SMOC1: variants seen among roughly 807,000 people sequenced by gnomAD.
SMOC1 encodes SPARC-related modular calcium-binding protein 1.
In SMOC1, 22 loss-of-function variants were observed where a neutral mutation model predicts 56.3. That is an observed-to-expected ratio of 0.39 (90% CI 0.28 to 0.56). The LOEUF (loss-of-function observed/expected upper bound fraction) is 0.56, where lower values mean the gene tolerates loss of function less well. SMOC1 is among the 20% of genes least tolerant of loss of function. The pLI is 0.61. For synonymous variants in SMOC1, 193 were observed against 215.0 expected (o/e 0.90, Z 0.89); for missense variants, 509 against 565.4 (o/e 0.90, Z 1.01).
intron 1 of SMOC1, among the ~76,000 whole-genome samples, chr14:69,927,385 AAGATGGTAGGAGG>A (rs1209674113): frequency 6.6e-6 from 1 of 152,184 alleles, no homozygotes; most frequent in African/African-American, 2.4e-5. Context: ...AGGGCTAAAT[AAGATGGTAGGAGG>A]AGCCGGGCGT....
intron 5 of SMOC1, among the ~76,000 whole-genome samples, chr14:69,987,781 G>A (rs1884419193): frequency 6.6e-6 from 1 of 152,300 alleles, no homozygotes; most frequent in African/African-American, 2.4e-5. Context: ...GGTGTCATCG[G>A]GGGTCGAAGT....
At chr14:70,006,328 A>G (rs1254863701) in intron 7 of SMOC1, among the ~76,000 whole-genome samples, 1 of 152,244 alleles carries the variant, frequency 6.6e-6, no homozygotes, top group African/African-American at 2.4e-5. Context: ...AGTCTGGCAC[A>G]TGGTAAATAC....
intron 4 of SMOC1, among the ~76,000 whole-genome samples, chr14:69,977,272 G>A (rs1293463472): frequency 2.0e-5 from 3 of 152,234 alleles, no homozygotes; most frequent in Non-Finnish European, 4.4e-5. Context: ...ACAGGGTCAG[G>A]ACTGGAGGAG....
chr14:69,982,348 G>C (rs760685513), intron 5 of SMOC1, among the ~76,000 whole-genome samples: 2 of 152,248 alleles, frequency 1.3e-5, no homozygotes, highest in Non-Finnish European at 2.9e-5. Flanking sequence ...CTGTTCCATA[G>C]TATGTGCTCC....
intron 3 of SMOC1, among the ~76,000 whole-genome samples, chr14:69,967,820 C>A (rs189707713): frequency 2.2e-4 from 34 of 152,252 alleles, no homozygotes; most frequent in African/African-American, 6.3e-4. Context: ...TCTCCAAAAC[C>A]ATGTTTTCCC....
chr14:69,935,078 A>G (rs1231299832), intron 1 of SMOC1, among the ~76,000 whole-genome samples: 1 of 152,172 alleles, frequency 6.6e-6, no homozygotes, highest in Non-Finnish European at 1.5e-5. Flanking sequence ...ATGCTGTAAA[A>G]TTTCAGCAGT....
At chr14:69,914,669 A>T (rs932448266) in intron 1 of SMOC1, among the ~76,000 whole-genome samples, 1 of 152,112 alleles carries the variant, frequency 6.6e-6, no homozygotes, top group Non-Finnish European at 1.5e-5. Context: ...GTGACCAGAG[A>T]TATCTGTCCC....
chr14:69,962,438 A>G (rs572090531), intron 3 of SMOC1, among the ~76,000 whole-genome samples: 163 of 152,342 alleles, frequency 1.1e-3, no homozygotes, highest in African/African-American at 3.8e-3. Flanking sequence ...TGCTGGGATT[A>G]CAGGCGTGAG....
chr14:70,002,610 C>T (rs1173331662), intron 7 of SMOC1, among the ~76,000 whole-genome samples: 3 of 152,286 alleles, frequency 2.0e-5, no homozygotes, highest in East Asian at 3.9e-4. Context: ...TGGGAATTGG[C>T]GATGGCCAAG....
Position 69,897,072 on chromosome 14 carries a change from G to A in SMOC1, c.99+17295G>A, listed in dbSNP as rs1202093028. 3.3e-5 allele frequency among the ~76,000 whole-genome samples: 5 copies of A among 152,270 alleles called. No homozygotes were observed. The East Asian group carries it at 9.7e-4, about 29-fold the overall frequency. ...TCAGGGGTCAGGCTAGTGACTGTTCGATATGTTCCCAGATGTGATCCAGGA... is the reference window on the plus strand; with the variant it reads ...TCAGGGGTCAGGCTAGTGACTGTTCAATATGTTCCCAGATGTGATCCAGGA... On this transcript the variant is annotated intron_variant, in intron 1 of 11. Coordinates refer to ENST00000361956, the MANE Select transcript of SMOC1 (RefSeq NM_001034852.3).
At chr14:69,897,231 C>T (rs1168715216) in intron 1 of SMOC1, among the ~76,000 whole-genome samples, 1 of 152,192 alleles carries the variant, frequency 6.6e-6, no homozygotes, top group Admixed American at 6.5e-5. Context: ...ACACACCATC[C>T]CGCCAGGTCT....
chr14:69,989,459 A>G (rs1031445621), intron 5 of SMOC1, among the ~76,000 whole-genome samples: 1 of 152,206 alleles, frequency 6.6e-6, no homozygotes, highest in African/African-American at 2.4e-5. Flanking sequence ...TGTAAACCCA[A>G]TTTTAAAAGT....
intron 7 of SMOC1, among the ~76,000 whole-genome samples, chr14:70,007,167 C>T (rs1460043173): frequency 6.6e-6 from 1 of 152,204 alleles, no homozygotes; most frequent in Non-Finnish European, 1.5e-5. Context: ...TCAGCTCTGC[C>T]ACTTCCTAGT....
intron 5 of SMOC1, among the ~76,000 whole-genome samples, chr14:69,991,201 G>A (rs1372162347): frequency 6.6e-6 from 1 of 152,142 alleles, no homozygotes. Flanking sequence ...AAGGGGTCTT[G>A]AGAAGAGAGG....
At chr14:69,942,963 A>G (rs1882621959) in intron 1 of SMOC1, among the ~76,000 whole-genome samples, 1 of 151,460 alleles carries the variant, frequency 6.6e-6, no homozygotes. Flanking sequence ...GGTGTAAGAG[A>G]GCCTTCTCCC....
chr14:69,967,125 A>G (rs560719108), intron 3 of SMOC1, among the ~76,000 whole-genome samples: 78 of 152,338 alleles, frequency 5.1e-4, no homozygotes, highest in African/African-American at 1.8e-3. Flanking sequence ...TGGCAGCCAT[A>G]TCACACCATC....
chr14:70,023,808 T>C (rs1055467555), intron 11 of SMOC1, among the ~76,000 whole-genome samples: 5 of 149,448 alleles, frequency 3.3e-5, no homozygotes, highest in Admixed American at 1.3e-4. Flanking sequence ...TTGTAGGGTG[T>C]GTGTGTGTGT....
intron 1 of SMOC1, among the ~76,000 whole-genome samples, chr14:69,943,185 G>A (rs986342741): frequency 2.6e-5 from 4 of 152,212 alleles, no homozygotes; most frequent in African/African-American, 7.2e-5. Context: ...TCCCTCAGCA[G>A]CGTGAAAAGC....
chr14:69,904,338 G>A (rs1016145715), intron 1 of SMOC1, among the ~76,000 whole-genome samples: 1 of 152,170 alleles, frequency 6.6e-6, no homozygotes, highest in Non-Finnish European at 1.5e-5. Flanking sequence ...AGCTTCACTT[G>A]CCAAGCATGC....
Sources: allele counts gnomAD v4.1 joint callset (sites outside exome capture counted in the v4.1 genomes callset), GRCh38; gene constraint gnomAD v4.1.1; transcripts MANE v1.5; gene names NCBI Gene and HGNC (gene_info 2026-07-23, HGNC 2026-07-21).